The following SUN3 variants were observed in gnomAD, a reference collection of about 807,000 sequenced individuals.
SUN3 encodes SUN domain-containing protein 3.
SUN3 carries 36 observed loss-of-function variants against 48.2 expected under a neutral mutation model. That is an observed-to-expected ratio of 0.75 (90% CI 0.57 to 0.99). The LOEUF (loss-of-function observed/expected upper bound fraction) is 0.99, where lower values mean the gene tolerates loss of function less well. SUN3 is among the 50% of genes least tolerant of loss of function. The pLI is 0.00. For missense variants in SUN3, 419 were observed against 433.1 expected (o/e 0.97, Z 0.29); for synonymous variants, 148 against 147.9 (o/e 1.00, Z 0.00).
intron 6 of SUN3, 28 bp downstream of exon 6, chr7:48,005,941 T>A: frequency 6.8e-7 from 1 of 1,469,904 alleles, no homozygotes; most frequent in South Asian, 1.2e-5. Context: ...TTTTTTAATG[T>A]TCCTCTTTTC....
chr7:48,005,643 A>G (rs965908550), intron 6 of SUN3, among the ~76,000 whole-genome samples: 4 of 152,120 alleles, frequency 2.6e-5, no homozygotes, highest in African/African-American at 9.7e-5. Flanking sequence ...ATTGGTGATC[A>G]TAAGTAATTT....
chr7:48,005,853 C>T (rs1483258589), intron 6 of SUN3, 116 bp downstream of exon 6: 4 of 502,304 alleles, frequency 8.0e-6, no homozygotes, highest in Non-Finnish European at 1.4e-5. Context: ...ATTAATTTCC[C>T]CCCCCCAAGT....
At chr7:48,017,387 T>C (rs2128780792) in intron 2 of SUN3, 22 bp from the exon 3 acceptor site, 1 of 1,322,714 alleles carries the variant, frequency 7.6e-7, no homozygotes, top group Non-Finnish European at 1.1e-6. Context: ...AAGACAAACT[T>C]TGATTAAAGA....
chr7:48,005,143 T>TA (rs890657535), intron 6 of SUN3, among the ~76,000 whole-genome samples: 1 of 152,138 alleles, frequency 6.6e-6, no homozygotes, highest in Non-Finnish European at 1.5e-5. Flanking sequence ...AAGAAAGCAT[T>TA]AAAAAAGTGT....
At position 47,997,037 on chromosome 7, in the gene SUN3, T is replaced by C. The variant is rs1331519541; in HGVS notation, c.578-891A>G. 2.0e-5 allele frequency among the ~76,000 whole-genome samples: 3 copies of C among 152,230 alleles called. No individual in the cohort carries two copies. In the East Asian group the frequency reaches 5.8e-4, roughly 29 times the overall value. ...GGATGGTCTCGATCTCTTGACCTAG[T>C]GATGTACCCACCTCGGCCTCCCAAA... On this transcript the variant is annotated intron_variant, in intron 6 of 9. Coordinates refer to ENST00000297325, the MANE Select transcript of SUN3 (RefSeq NM_001030019.2).
chr7:48,012,934 G>A (rs2128779124), intron 3 of SUN3, among the ~76,000 whole-genome samples: 1 of 152,246 alleles, frequency 6.6e-6, no homozygotes, highest in East Asian at 1.9e-4. Flanking sequence ...ACACAAGAAA[G>A]CTCTCATTAA....
chr7:47,990,241 A>ATGTCCT (rs1789016432), intron 8 of SUN3, among the ~76,000 whole-genome samples: 5 of 152,230 alleles, frequency 3.3e-5, no homozygotes, highest in Admixed American at 2.6e-4. Context: ...AGATAGGAGA[A>ATGTCCT]AACCGCCTTA....
intron 3 of SUN3, among the ~76,000 whole-genome samples, chr7:48,015,496 G>T (rs1289411391): frequency 2.0e-5 from 3 of 152,154 alleles, no homozygotes; most frequent in Non-Finnish European, 4.4e-5. Context: ...CACATGGCAA[G>T]ACACATTGGA....
At chr7:48,009,222 G>T in intron 3 of SUN3, 147 bp from the exon 4 acceptor site, 1 of 665,224 alleles carries the variant, frequency 1.5e-6, no homozygotes. Context: ...CCTCTGAGAG[G>T]CCCGCCTCTT....
chr7:48,009,402 T>C (rs918787728), intron 3 of SUN3, among the ~76,000 whole-genome samples: 1 of 151,140 alleles, frequency 6.6e-6, no homozygotes, highest in Non-Finnish European at 1.5e-5. Context: ...GAGGAAAAAA[T>C]AGAGGGAAGA....
chr7:48,016,161 A>T (rs913131555), intron 3 of SUN3, among the ~76,000 whole-genome samples: 3 of 152,132 alleles, frequency 2.0e-5, no homozygotes, highest in African/African-American at 7.2e-5. Context: ...CAGTTCTGCC[A>T]GCCCACCCAG....
chr7:48,026,691 G>T (rs1562615973), intron 1 of SUN3, among the ~76,000 whole-genome samples: 2 of 151,934 alleles, frequency 1.3e-5, no homozygotes, highest in Admixed American at 1.3e-4. Flanking sequence ...GGTAAAAGAG[G>T]TTATGAGTGG....
chr7:48,029,127 C>T, upstream of SUN3: 1 of 770,042 alleles, frequency 1.3e-6, no homozygotes, highest in Non-Finnish European at 2.0e-6. Flanking sequence ...GTTGCATCAT[C>T]CTCCGTGACA....
At chr7:48,035,721 C>T in the SUN3 span, 16 of 585,568 alleles carry the variant, frequency 2.7e-5, no homozygotes, top group Non-Finnish European at 4.9e-5. This position sits in a 1 kb window ranked among gnomAD's most constrained non-coding sequence, Gnocchi z 4.0. Context: ...GGGCAGTGCG[C>T]GCCGGGGCTG....
chr7:48,026,157 G>A (rs1236179272), intron 1 of SUN3, among the ~76,000 whole-genome samples: 3 of 151,970 alleles, frequency 2.0e-5, no homozygotes, highest in Non-Finnish European at 4.4e-5. Context: ...ATATGAGTGC[G>A]CATACATAGA....
At chr7:48,027,745 G>T (rs558598649) in intron 1 of SUN3, among the ~76,000 whole-genome samples, 10 of 152,270 alleles carry the variant, frequency 6.6e-5, no homozygotes, top group South Asian at 6.2e-4. Flanking sequence ...GTGTGACAGT[G>T]TGGAAACCAA....
chr7:48,013,056 A>C (rs1029715963), intron 3 of SUN3, among the ~76,000 whole-genome samples: 4 of 152,244 alleles, frequency 2.6e-5, no homozygotes, highest in African/African-American at 7.2e-5. Context: ...ATAGCAGCAT[A>C]AATGGATTAA....
At chr7:48,035,217 G>A in the SUN3 span, among the ~76,000 whole-genome samples, 1 of 152,142 alleles carries the variant, frequency 6.6e-6, no homozygotes, top group African/African-American at 2.4e-5. The surrounding 1 kb of genome is among the most constrained non-coding windows in gnomAD (Gnocchi z 4.0). Flanking sequence ...GGCATGAGGA[G>A]GACTGAGGCC....
chr7:47,991,789 G>GGT (rs1789071071), intron 8 of SUN3, among the ~76,000 whole-genome samples: 1 of 152,120 alleles, frequency 6.6e-6, no homozygotes, highest in Non-Finnish European at 1.5e-5. Flanking sequence ...GGAGCGTGTG[G>GGT]GTGAAAGCGT....
Sources: gnomAD v4.1 joint callset for allele counts (sites outside exome capture counted in the v4.1 genomes callset) on GRCh38, gnomAD v4.1.1 for gene constraint, Gnocchi (gnomAD v3.1) non-coding constraint, MANE v1.5 for transcripts, NCBI Gene and HGNC (gene_info 2026-07-23, HGNC 2026-07-21) for gene names.